SLC38A10: variants seen among roughly 807,000 people sequenced by gnomAD.
SLC38A10 encodes the protein Sodium-coupled neutral amino acid transporter 10.
A neutral mutation model predicts 81.0 loss-of-function variants in SLC38A10; 53 were observed. The observed-to-expected ratio is 0.65, with a 90% confidence interval of 0.53 to 0.82. The LOEUF (loss-of-function observed/expected upper bound fraction) is 0.82, where lower values mean the gene tolerates loss of function less well. Among genes scored for constraint, SLC38A10 ranks in the 40% least tolerant of loss-of-function variants. The pLI, the probability that SLC38A10 is intolerant of heterozygous loss-of-function variation, is 0.00. For synonymous variants in SLC38A10, 665 were observed against 655.3 expected, an observed-to-expected ratio of 1.01 and a Z score of -0.23; for missense variants, 1,471 against 1,545.0, an observed-to-expected ratio of 0.95 and a Z score of 0.80.
intron 10 of SLC38A10, chr17:81,264,890 G>T (rs553300405): frequency 6.6e-6 from 1 of 152,310 alleles, no homozygotes; most frequent in African/African-American, 2.4e-5. Flanking sequence ...CAGCTTTCAG[G>T]CCTTTCAGGG....
In SLC38A10 at chr17:81,286,659, T is replaced by C. The variant is rs2063269860; in HGVS notation, c.218-1764A>G. Among the ~76,000 whole-genome samples, 1 of 151,852 alleles carries C rather than the reference T, an allele frequency of 6.6e-6. No individual in the cohort carries two copies. Among genetic ancestry groups the C allele is most frequent in the African/African-American group, 2.4e-5 (1 of 41,296 alleles). On this transcript the variant is annotated intron_variant, in intron 2 of 15. Coordinates refer to ENST00000374759, the MANE Select transcript of SLC38A10 (RefSeq NM_001037984.3). This position sits in a 1 kb window ranked among gnomAD's most constrained non-coding sequence, Gnocchi z 6.0. The stretch of plus-strand genomic sequence containing the variant: ...GGCCCAGCCCCTGCCAGGCTGGAGG[T>C]ATCTGTGAGCGGCGAGCTCTGAGGG...
intron 11 of SLC38A10, among the ~76,000 whole-genome samples, chr17:81,259,666 G>A (rs1335815681): frequency 2.0e-5 from 3 of 152,120 alleles, no homozygotes; most frequent in Non-Finnish European, 4.4e-5. Context: ...TGCCACAGAC[G>A]GAGGCGTCAG....
chr17:81,292,753 G>A (rs1037296402), intron 1 of SLC38A10, among the ~76,000 whole-genome samples: 2 of 152,292 alleles, frequency 1.3e-5, no homozygotes, highest in Admixed American at 6.5e-5. Flanking sequence ...TCCAAGGCTC[G>A]AGATAGCTGG....
rs2062837397 is a variant in SLC38A10 at position 81,245,243 on chromosome 17, C to T, written c.*313G>A. 3.2e-6 allele frequency: 1 copy of T among 313,816 alleles called. No individual in the cohort carries two copies. The highest frequency in any genetic ancestry group is 5.9e-6 in the Non-Finnish European group (1 of 169,516). 19.4% of individuals were successfully genotyped at this position (313,816 alleles called of 1,614,324 possible). ...CCTGACCACAGACGCAGCAGCTCCC[C>T]AGCCTGAGCCTGGGAGTGCACCAGC... On this transcript the variant is annotated 3_prime_UTR_variant, in exon 16 of 16. Coordinates refer to ENST00000374759, the MANE Select transcript of SLC38A10 (RefSeq NM_001037984.3).
chr17:81,245,869 GGCCTCT>G lies in SLC38A10; in HGVS notation c.3041_3046del (p.Gln1014_Arg1015del). ...TCGTTTGAGCCCCAGCTCTGGCTCT[GGCCTCT>G]GCCTGGGCTCCTGGACAGCAGCGTC... On this transcript the variant is annotated inframe_deletion, in exon 16 of 16. Coordinates refer to ENST00000374759, the MANE Select transcript of SLC38A10 (RefSeq NM_001037984.3). 1 of 1,612,312 alleles carries G rather than the reference GGCCTCT, an allele frequency of 6.2e-7. No individual in the cohort carries two copies. The highest frequency in any genetic ancestry group is 1.1e-5 in the South Asian group (1 of 91,078).
At chr17:81,261,342 G>A (rs116433920) in intron 10 of SLC38A10, among the ~76,000 whole-genome samples, 136 of 152,304 alleles carry the variant, frequency 8.9e-4, no homozygotes, top group African/African-American at 3.0e-3. Context: ...GCCTGGCCTG[G>A]CCCAGCACAA....
At chr17:81,251,062 C>G in intron 14 of SLC38A10, 1 of 1,451,810 alleles carries the variant, frequency 6.9e-7, no homozygotes, top group Non-Finnish European at 9.1e-7. Context: ...ACTGGGTCCC[C>G]TTGGGGCACA....
At chr17:81,271,812 C>T (rs571945588) in intron 9 of SLC38A10, among the ~76,000 whole-genome samples, 222 of 140,314 alleles carry the variant, frequency 1.6e-3, no homozygotes, top group African/African-American at 5.5e-3. Context: ...CTGCAAGCTT[C>T]GCCTCCCAGG....
rs777027011 is a variant in SLC38A10, at chr17:81,246,477, G to T, written c.2439C>A (p.Asp813Glu). The T allele has an allele frequency of 6.4e-7, 1 of 1,566,210 alleles. No homozygotes were observed. The highest frequency in any genetic ancestry group is 1.4e-5 in the African/African-American group (1 of 73,368). The change falls in exon 16 of 16, where the codon GAC (aspartate) becomes GAA (glutamate). Residue 813 changes from aspartate to glutamate, a missense_variant. Asp to Glu is a conservative substitution (Grantham distance 45). Transcript: ENST00000374759. Reference sequence around the variant, plus strand: ...GGCCGCCGTCAGGAGGGCCAGCAGGGTCTCTGCCCACAGGCCCCTCAGAGT... The same window carrying T: ...GGCCGCCGTCAGGAGGGCCAGCAGGTTCTCTGCCCACAGGCCCCTCAGAGT... ...LEHSEGPVGR[D>E]PAGPPDGGPD...
intron 10 of SLC38A10, among the ~76,000 whole-genome samples, chr17:81,269,185 T>C (rs2063093809): frequency 6.6e-6 from 1 of 152,226 alleles, no homozygotes; most frequent in African/African-American, 2.4e-5. Context: ...GGAATTATCA[T>C]ACCTTTCTCA....
At position 81,251,981 on chromosome 17, in the gene SLC38A10, G is replaced by T; in HGVS notation, c.1945+214C>A. On this transcript the variant is annotated intron_variant, in intron 13 of 15. Transcript: ENST00000374759. ...GCGGCACCTGACATTTAGTGGTCTG[G>T]CAAACAACTGTGTGACAGATATTAC... The T allele has an allele frequency of 6.9e-6, 5 of 724,134 alleles. No homozygotes were observed. The South Asian group carries it at 7.2e-5, about 10-fold the overall frequency. 44.9% of individuals were successfully genotyped at this position (724,134 alleles called of 1,614,324 possible).
At chr17:81,278,005 CA>C (rs1329508994) in intron 6 of SLC38A10, among the ~76,000 whole-genome samples, 1 of 142,632 alleles carries the variant, frequency 7.0e-6, no homozygotes, top group Admixed American at 7.2e-5. Context: ...GGCAGGGGCT[CA>C]AGGGCACAAA....
chr17:81,245,466 C>T lies in SLC38A10; in HGVS notation c.*90G>A, dbSNP rs2062838952. 6.8e-7 allele frequency: 1 copy of T among 1,464,760 alleles called. No homozygotes were observed. The highest frequency in any genetic ancestry group is 9.1e-7 in the Non-Finnish European group (1 of 1,097,998). The allele number at this position is 1,464,760 out of a possible 1,614,324, so 90.7% of individuals were successfully genotyped here. A position where few individuals can be genotyped will look rare whatever the true frequency, so the allele number is the denominator to read the frequency against. On this transcript the variant is annotated 3_prime_UTR_variant, in exon 16 of 16. Coordinates refer to ENST00000374759, the MANE Select transcript of SLC38A10 (RefSeq NM_001037984.3). The stretch of plus-strand genomic sequence containing the variant: ...AAACCCTGGGGAGAGGCGAGTGTGA[C>T]CTCCAGAGTTTGGCTGGGATGCGGC...
At chr17:81,282,091 C>T (rs1162236100) in intron 5 of SLC38A10, 98 bp downstream of exon 5, 8 of 1,527,732 alleles carry the variant, frequency 5.2e-6, no homozygotes, top group Admixed American at 1.7e-5. Flanking sequence ...AGGCAGCAGG[C>T]GGCCACACCA....
intron 1 of SLC38A10, 90 bp downstream of exon 1, chr17:81,294,733 C>T (rs899279870): frequency 2.4e-6 from 3 of 1,238,338 alleles, no homozygotes; most frequent in African/African-American, 3.2e-5. Context: ...GAAGCCCTGC[C>T]CCGGCGGGAA....
intron 10 of SLC38A10, among the ~76,000 whole-genome samples, chr17:81,266,922 A>C (rs143619251): frequency 1.2e-3 from 181 of 152,390 alleles, no homozygotes; most frequent in African/African-American, 4.0e-3. Context: ...GGCTGATTCC[A>C]ACATTCATAC....
intron 11 of SLC38A10, among the ~76,000 whole-genome samples, chr17:81,257,085 G>A (rs1048682053): frequency 3.9e-5 from 6 of 152,154 alleles, no homozygotes; most frequent in Admixed American, 1.3e-4. Flanking sequence ...TGGGGACAAC[G>A]CCACCCTGCT....
Position 81,246,389 on chromosome 17 carries a change from TG to T in SLC38A10, c.2526del (p.Arg843GlyfsTer6). The part of the protein sequence containing the change: ...KLRDGQKDAA[P>X]RAAGTVKELP... ...AGCTCCTTCACAGTGCCAGCTGCCC[TG>T]GGGGCGGCATCCTTCTGGCCATCTC... On this transcript the variant is annotated frameshift_variant, in exon 16 of 16. Coordinates refer to ENST00000374759, the MANE Select transcript of SLC38A10 (RefSeq NM_001037984.3). LOFTEE classifies it low-confidence loss of function (END_TRUNC). 2 of 1,600,252 alleles carry T rather than the reference TG, an allele frequency of 1.2e-6. No individual in the cohort carries two copies. Among genetic ancestry groups the T allele is most frequent in the Non-Finnish European group, 8.5e-7 (1 of 1,175,426 alleles).
At chr17:81,249,196 AGGAGGGGGAGGGGGAGGAG>A (rs1472231246) in intron 14 of SLC38A10, among the ~76,000 whole-genome samples, 2 of 75,026 alleles carry the variant, frequency 2.7e-5, no homozygotes, top group Non-Finnish European at 5.5e-5. Flanking sequence ...GACAGAAGGG[AGGAGGGGGAGGGGGAGGAG>A]GGAGGGAGAA....
Sources: allele counts gnomAD v4.1 joint callset (sites outside exome capture counted in the v4.1 genomes callset), GRCh38; gene constraint gnomAD v4.1.1; non-coding constraint Gnocchi (gnomAD v3.1); transcripts MANE v1.5; gene names NCBI Gene and HGNC (gene_info 2026-07-23, HGNC 2026-07-21).